Variants in FRAS1 observed in about 807,000 individuals in gnomAD.
The protein encoded by FRAS1 is extracellular matrix organizing protein FRAS1.
Under a neutral mutation model 435.2 loss-of-function variants are expected in FRAS1, and 290 were observed. The observed-to-expected ratio is 0.67, with a 90% CI of 0.61 to 0.73. The LOEUF is 0.73. Ranked by LOEUF, FRAS1 falls within the 30% of genes least tolerant of loss-of-function variation. The probability of loss-of-function intolerance (pLI) is 0.00; values close to 1 mark genes in which losing one functional copy is unlikely to be tolerated. For missense variants in FRAS1, 4,860 were observed against 5,001.5 expected (o/e 0.97, Z 0.85); for synonymous variants, 1,800 against 1,851.0 (o/e 0.97, Z 0.71).
At chr4:78,085,173 T>C (rs894234244) in intron 2 of FRAS1, among the ~76,000 whole-genome samples, 1 of 152,132 alleles carries the variant, frequency 6.6e-6, no homozygotes, top group Non-Finnish European at 1.5e-5. Context: ...CTTGAAATGA[T>C]TCTTTTCTAT....
At chr4:78,512,432 A>G (rs1354279483) in intron 64 of FRAS1, among the ~76,000 whole-genome samples, 1 of 152,202 alleles carries the variant, frequency 6.6e-6, no homozygotes, top group Non-Finnish European at 1.5e-5. Flanking sequence ...CTACTTAAAA[A>G]TGTGACTCTT....
At chr4:78,083,181 A>C (rs1740974010) in intron 2 of FRAS1, among the ~76,000 whole-genome samples, 1 of 152,132 alleles carries the variant, frequency 6.6e-6, no homozygotes, top group African/African-American at 2.4e-5. Context: ...ATGGTGCTCC[A>C]GTACCTTCAG....
At chr4:78,102,449 A>G (rs953359248) in intron 2 of FRAS1, among the ~76,000 whole-genome samples, 2 of 152,110 alleles carry the variant, frequency 1.3e-5, no homozygotes, top group African/African-American at 4.8e-5. Context: ...TGCTAATTGG[A>G]TTTATTCTTT....
At position 78,473,588 on chromosome 4, in the gene FRAS1, A is replaced by G. The variant is rs1438231619; in HGVS notation, c.7673A>G (p.Lys2558Arg). The stretch of plus-strand genomic sequence containing the variant: ...ATCCAGTGGTCACTCATCAGCTTTA[A>G]ATATACCAGGTACAAGTTTTACTGT... ...FHIQWSLISF[K>R]YTSYNVSEKA... Residue 2558 changes from lysine (K) to arginine (R), a missense_variant, in exon 53 of 74, where the codon AAA becomes AGA. By Grantham distance (26) the Lys-to-Arg change is conservative (BLOSUM62 2). Transcript: ENST00000512123. 3 of 1,592,788 alleles carry G rather than the reference A, an allele frequency of 1.9e-6. No homozygotes were observed. Among genetic ancestry groups the G allele is most frequent in the Non-Finnish European group, 2.6e-6 (3 of 1,168,354 alleles).
intron 54 of FRAS1, 61 bp from the exon 55 acceptor site, chr4:78,477,754 G>T (rs1719893564): frequency 6.4e-7 from 1 of 1,562,286 alleles, no homozygotes; most frequent in Non-Finnish European, 8.7e-7. Context: ...TGATGCCCTG[G>T]GGAAGCAGAG....
intron 13 of FRAS1, 70 bp downstream of exon 13, chr4:78,284,618 T>C (rs1316452883): frequency 2.1e-6 from 3 of 1,417,692 alleles, no homozygotes; most frequent in Non-Finnish European, 1.9e-6. Context: ...GTTGTGATTC[T>C]TAAACTGAGG....
chr4:78,304,470 A>C (rs1450323855), intron 14 of FRAS1, among the ~76,000 whole-genome samples: 6 of 152,238 alleles, frequency 3.9e-5, no homozygotes, highest in Non-Finnish European at 8.8e-5. Context: ...CTCTGGTAGC[A>C]TTCGGCTGTG....
At chr4:78,523,498 A>T (rs1721450061) in intron 69 of FRAS1, among the ~76,000 whole-genome samples, 4 of 152,186 alleles carry the variant, frequency 2.6e-5, no homozygotes, top group Admixed American at 2.6e-4. Context: ...TGGAAAAAAA[A>T]ATTAAAACCA....
intron 2 of FRAS1, among the ~76,000 whole-genome samples, chr4:78,072,987 C>T (rs1214275256): frequency 2.0e-5 from 3 of 151,982 alleles, no homozygotes; most frequent in Admixed American, 6.6e-5. Context: ...TGTGTGTTTC[C>T]GCCTAAGGAA....
intron 2 of FRAS1, among the ~76,000 whole-genome samples, chr4:78,149,719 T>C (rs1419793298): frequency 6.6e-6 from 1 of 152,188 alleles, no homozygotes; most frequent in Non-Finnish European, 1.5e-5. Flanking sequence ...TCTCATATAC[T>C]TTCCTCTCTT....
At chr4:78,114,239 G>T (rs969585249) in intron 2 of FRAS1, among the ~76,000 whole-genome samples, 6 of 152,244 alleles carry the variant, frequency 3.9e-5, no homozygotes, top group East Asian at 1.9e-4. Flanking sequence ...TAGCCTTGTA[G>T]TATAGTTTGA....
At chr4:78,392,660 G>A (rs984152700) in intron 29 of FRAS1, among the ~76,000 whole-genome samples, 3 of 151,900 alleles carry the variant, frequency 2.0e-5, no homozygotes, top group Admixed American at 6.6e-5. Context: ...TTTTAATCAT[G>A]CCCCCAGTTT....
At chr4:78,458,590 T>C (rs115302507) in intron 47 of FRAS1, among the ~76,000 whole-genome samples, 3,274 of 152,234 alleles carry the variant, frequency 0.022, 119 homozygotes, top group African/African-American at 0.075. Flanking sequence ...AAACTTACTA[T>C]TGGATATTGT....
chr4:78,313,055 A>C lies in FRAS1; in HGVS notation c.1679-2539A>C, dbSNP rs541408531. On this transcript the variant is annotated intron_variant, in intron 15 of 73. Coordinates refer to ENST00000512123, the MANE Select transcript of FRAS1 (RefSeq NM_025074.7). ...AAAATGTTTGATATGCAATGCTTTT[A>C]TTGTTGGTCAATTCTAATTTCCAAA... Among the ~76,000 whole-genome samples the C allele has an allele frequency of 2.6e-5, 4 of 152,170 alleles. No individual in the cohort carries two copies. In the South Asian group the frequency reaches 8.3e-4, roughly 32 times the overall value.
chr4:78,340,197 C>G lies in FRAS1; in HGVS notation c.2422+2380C>G, dbSNP rs564418434. On this transcript the variant is annotated intron_variant, in intron 20 of 73. Transcript: ENST00000512123. The stretch of plus-strand genomic sequence containing the variant: ...GACTGAGCTAAACAACTCTGGAAGC[C>G]CCCAACCCTAGAAGAGAAGGTCCTA... 9.2e-5 allele frequency among the ~76,000 whole-genome samples: 14 copies of G among 152,136 alleles called. No individual in the cohort carries two copies. The East Asian group carries it at 2.7e-3, about 29-fold the overall frequency.
chr4:78,534,142 G>A (rs2109905460), intron 70 of FRAS1, among the ~76,000 whole-genome samples: 1 of 152,264 alleles, frequency 6.6e-6, no homozygotes, highest in South Asian at 2.1e-4. Context: ...CCAAAGCGGG[G>A]AGCACTTTAG....
chr4:78,333,508 G>A, intron 19 of FRAS1, 96 bp downstream of exon 19: 2 of 1,287,394 alleles, frequency 1.6e-6, no homozygotes, highest in South Asian at 3.0e-5. Flanking sequence ...TCATACCGGG[G>A]ACTAAGATTC....
At chr4:78,308,252 T>C (rs369599892) in intron 15 of FRAS1, 43 bp downstream of exon 15, 1 of 1,587,158 alleles carries the variant, frequency 6.3e-7, no homozygotes, top group Non-Finnish European at 8.6e-7. Context: ...TTCCTTTTTC[T>C]TTTCCAGCAT....
chr4:78,474,787 C>T (rs1719809699), intron 53 of FRAS1, among the ~76,000 whole-genome samples: 1 of 152,212 alleles, frequency 6.6e-6, no homozygotes, highest in African/African-American at 2.4e-5. Flanking sequence ...GCCCTACTTT[C>T]TGTGGCCTTT....
Sources: allele counts gnomAD v4.1 joint callset (sites outside exome capture counted in the v4.1 genomes callset), GRCh38; gene constraint gnomAD v4.1.1; transcripts MANE v1.5; gene names NCBI Gene and HGNC (gene_info 2026-07-23, HGNC 2026-07-21).